The following SLC25A48 variants were observed in gnomAD, a reference collection of about 807,000 sequenced individuals.
SLC25A48 encodes the protein CTC-321K16.1.
SLC25A48 carries 29 observed loss-of-function variants against 32.2 expected under a neutral mutation model. The ratio of observed to expected loss-of-function variants is 0.90; its 90% CI spans 0.67 to 1.23. SLC25A48 has a LOEUF of 1.23. Ranked by LOEUF, SLC25A48 falls within the 50% of genes most tolerant of loss-of-function variation. The pLI is 0.00. For synonymous variants in SLC25A48, 164 were observed against 172.3 expected (o/e 0.95, Z 0.38); for missense variants, 399 against 422.7 (o/e 0.94, Z 0.49).
chr5:135,664,818 C>G (rs527736733), intron 3 of SLC25A48, among the ~76,000 whole-genome samples: 1 of 152,266 alleles, frequency 6.6e-6, no homozygotes, highest in South Asian at 2.1e-4. Context: ...TTAATCCACT[C>G]ATTGGTCGAT....
chr5:135,876,884 T>C (rs928684514), intron 6 of SLC25A48, among the ~76,000 whole-genome samples: 5 of 152,216 alleles, frequency 3.3e-5, no homozygotes, highest in Non-Finnish European at 7.3e-5. Context: ...CAGTTCCCAG[T>C]TGGCTTGGGC....
At chr5:135,618,429 G>T (rs1752239918) in intron 1 of SLC25A48, among the ~76,000 whole-genome samples, 1 of 152,138 alleles carries the variant, frequency 6.6e-6, no homozygotes, top group East Asian at 1.9e-4. Flanking sequence ...TTTTTGATAT[G>T]TGAGGGCTTA....
intron 3 of SLC25A48, among the ~76,000 whole-genome samples, chr5:135,760,926 A>G (rs2127017517): frequency 6.6e-6 from 1 of 152,330 alleles, no homozygotes; most frequent in African/African-American, 2.4e-5. Flanking sequence ...AGCAGAGTGC[A>G]GTCTGCAAGG....
chr5:135,647,852 G>T lies in SLC25A48; in HGVS notation c.-521+12896G>T, dbSNP rs76132215. On this transcript the variant is annotated intron_variant, in intron 3 of 10. Transcript: ENST00000646290. Reference sequence around the variant, plus strand: ...TGTAGTATGACTCCTTGGAGTTTAGGCCTCTTCTCTGGGAGCACTGCTTGG... The same window carrying T: ...TGTAGTATGACTCCTTGGAGTTTAGTCCTCTTCTCTGGGAGCACTGCTTGG... Among the ~76,000 whole-genome samples, 16 of 152,260 alleles carry T rather than the reference G, an allele frequency of 1.1e-4. No individual in the cohort carries two copies. In the East Asian group the frequency reaches 2.9e-3, roughly 28 times the overall value.
chr5:135,817,180 T>G (rs1580911303), intron 4 of SLC25A48, among the ~76,000 whole-genome samples: 2 of 152,092 alleles, frequency 1.3e-5, no homozygotes, highest in Non-Finnish European at 2.9e-5. Context: ...GTCATTACTC[T>G]GGAGGGAGGA....
At chr5:135,698,330 T>C (rs997960975) in intron 3 of SLC25A48, among the ~76,000 whole-genome samples, 1 of 152,190 alleles carries the variant, frequency 6.6e-6, no homozygotes, top group Non-Finnish European at 1.5e-5. Context: ...CTTAGCTTTT[T>C]CTTTGGCTGG....
chr5:135,633,250 A>G (rs1463202490), intron 2 of SLC25A48, among the ~76,000 whole-genome samples: 1 of 152,078 alleles, frequency 6.6e-6, no homozygotes, highest in Admixed American at 6.6e-5. Context: ...TGTGTGCTTG[A>G]GGCATAGTGA....
intron 1 of SLC25A48, among the ~76,000 whole-genome samples, chr5:135,613,944 G>A (rs1440961039): frequency 2.0e-5 from 3 of 152,092 alleles, no homozygotes; most frequent in African/African-American, 7.2e-5. Flanking sequence ...GATTCCATAT[G>A]AATTTTAGGA....
At position 135,672,686 on chromosome 5, in the gene SLC25A48, C is replaced by T. The variant is rs938060558; in HGVS notation, c.-521+37730C>T. ...TCCCCTGTTTTTTTCGTAGTTTTTG[C>T]AAAAGTTATTTATTATTTACAGTTT... On this transcript the variant is annotated intron_variant, in intron 3 of 10. Transcript: ENST00000646290. 2.0e-5 allele frequency among the ~76,000 whole-genome samples: 3 copies of T among 152,064 alleles called. No individual in the cohort carries two copies. In the South Asian group the frequency reaches 6.2e-4, roughly 32 times the overall value.
intron 3 of SLC25A48, among the ~76,000 whole-genome samples, chr5:135,677,561 G>A (rs1413999527): frequency 6.6e-6 from 1 of 151,892 alleles, no homozygotes; most frequent in East Asian, 1.9e-4. Flanking sequence ...ATTTTCTGTG[G>A]TGGTACCATT....
rs1437590820 is a variant in SLC25A48 at position 135,782,666 on chromosome 5, C to T, written c.-520-29857C>T. Among the ~76,000 whole-genome samples the T allele has an allele frequency of 6.9e-5, 8 of 116,442 alleles. 2 individuals are homozygous for T. The highest frequency in any genetic ancestry group is 3.5e-4 in the Admixed American group (4 of 11,450). The allele number at this position is 116,442 out of a possible 152,430, so 76.4% of individuals were successfully genotyped here. A position where few individuals can be genotyped will look rare whatever the true frequency, so the allele number is the denominator to read the frequency against. On this transcript the variant is annotated intron_variant, in intron 3 of 10. Transcript: ENST00000646290. ...AGGCTGTATACCCCTCCCGTGATAT[C>T]GTTCCTAATAACCAGGAAGGGAGAG...
intron 1 of SLC25A48, among the ~76,000 whole-genome samples, chr5:135,619,034 T>C (rs994108558): frequency 1.3e-5 from 2 of 152,156 alleles, no homozygotes; most frequent in South Asian, 4.1e-4. Flanking sequence ...GATGACTAAA[T>C]CTCTGGCTAG....
chr5:135,642,497 A>G (rs909236472), intron 3 of SLC25A48, among the ~76,000 whole-genome samples: 14 of 152,250 alleles, frequency 9.2e-5, no homozygotes, highest in African/African-American at 3.4e-4. Flanking sequence ...GGTCTACAGC[A>G]TGGTTCCCCA....
intron 2 of SLC25A48, among the ~76,000 whole-genome samples, chr5:135,846,143 G>A (rs779085278): frequency 6.6e-5 from 10 of 152,192 alleles, no homozygotes; most frequent in Non-Finnish European, 1.2e-4. Context: ...CTGCGCATGC[G>A]AGGGATCTAG....
chr5:135,677,297 C>G (rs1753794233), intron 3 of SLC25A48, among the ~76,000 whole-genome samples: 2 of 152,030 alleles, frequency 1.3e-5, no homozygotes, highest in Admixed American at 1.3e-4. Flanking sequence ...ATGTTTCTAT[C>G]CCTTTACTTT....
At position 135,702,936 on chromosome 5, in the gene SLC25A48, C is replaced by T. The variant is rs191448716; in HGVS notation, c.-521+67980C>T. Reference sequence around the variant, plus strand: ...ATGGAGTCACACACAGGACCCTCTTCGGGAAAACACCTTCTTTTTGAGTGA... The same window carrying T: ...ATGGAGTCACACACAGGACCCTCTTTGGGAAAACACCTTCTTTTTGAGTGA... On this transcript the variant is annotated intron_variant, in intron 3 of 10. Coordinates refer to the SLC25A48 transcript ENST00000646290. 2.4e-3 allele frequency among the ~76,000 whole-genome samples: 372 copies of T among 152,286 alleles called. 2 individuals carry two copies. The highest frequency in any genetic ancestry group is 8.5e-3 in the African/African-American group (352 of 41,556).
intron 3 of SLC25A48, among the ~76,000 whole-genome samples, chr5:135,743,380 CTT>C (rs1473402532): frequency 1.3e-5 from 2 of 151,846 alleles, no homozygotes; most frequent in African/African-American, 4.8e-5. Flanking sequence ...CCTGGAGACA[CTT>C]TTCATTGTGA....
chr5:135,873,901 C>G, intron 5 of SLC25A48, 120 bp from the exon 6 acceptor site: 1 of 1,164,338 alleles, frequency 8.6e-7, no homozygotes. Flanking sequence ...AGGTTCTAAG[C>G]CTGAGCTCTG....
At chr5:135,744,675 G>C (rs949261755) in intron 3 of SLC25A48, among the ~76,000 whole-genome samples, 1 of 152,090 alleles carries the variant, frequency 6.6e-6, no homozygotes. Flanking sequence ...GCTCAGAGAG[G>C]TTATGACTAT....
Sources: gnomAD v4.1 joint callset for allele counts (sites outside exome capture counted in the v4.1 genomes callset) on GRCh38, gnomAD v4.1.1 for gene constraint, MANE v1.5 for transcripts, NCBI Gene and HGNC (gene_info 2026-07-23, HGNC 2026-07-21) for gene names.